The following UVRAG variants were observed in gnomAD, a reference collection of about 807,000 sequenced individuals.
UVRAG encodes UV radiation resistance-associated gene protein.
Under a neutral mutation model 78.0 loss-of-function variants are expected in UVRAG, and 19 were observed. The observed-to-expected ratio is 0.24, with a 90% CI of 0.17 to 0.36. UVRAG has a LOEUF of 0.36. Among genes scored for constraint, UVRAG ranks in the 10% least tolerant of loss-of-function variants. The pLI is 1.00. For synonymous variants in UVRAG, 323 were observed against 324.6 expected (o/e 1.00, Z 0.05); for missense variants, 740 against 853.8 (o/e 0.87, Z 1.66).
intron 5 of UVRAG, among the ~76,000 whole-genome samples, chr11:75,890,396 G>C (rs561080861): frequency 6.6e-6 from 1 of 152,320 alleles, no homozygotes; most frequent in African/African-American, 2.4e-5. Context: ...GAAAGTTTTA[G>C]TAGATAAAAT....
At chr11:75,883,123 C>G (rs1303295939) in intron 4 of UVRAG, among the ~76,000 whole-genome samples, 1 of 152,122 alleles carries the variant, frequency 6.6e-6, no homozygotes, top group Non-Finnish European at 1.5e-5. Flanking sequence ...TGTTTCTCTT[C>G]TACTTGAAAG....
intron 12 of UVRAG, among the ~76,000 whole-genome samples, chr11:76,029,913 C>T (rs897460395): frequency 6.6e-6 from 1 of 152,132 alleles, no homozygotes; most frequent in Non-Finnish European, 1.5e-5. Context: ...CAGCAACCAC[C>T]ACCCTGATTA....
intron 13 of UVRAG, among the ~76,000 whole-genome samples, chr11:76,095,310 A>G (rs967675172): frequency 6.6e-6 from 1 of 151,894 alleles, no homozygotes; most frequent in Non-Finnish European, 1.5e-5. Context: ...AACTTTCCCT[A>G]CTTCTGGCTT....
chr11:75,981,009 C>G (rs1949380492), intron 7 of UVRAG, among the ~76,000 whole-genome samples: 1 of 152,038 alleles, frequency 6.6e-6, no homozygotes. Context: ...TTCAAAGAAC[C>G]AGTTGTTGGT....
At chr11:76,084,290 A>G (rs939711672) in intron 13 of UVRAG, among the ~76,000 whole-genome samples, 1 of 152,236 alleles carries the variant, frequency 6.6e-6, no homozygotes, top group African/African-American at 2.4e-5. Flanking sequence ...TGCACTTTAC[A>G]TCTTCCATCA....
intron 12 of UVRAG, among the ~76,000 whole-genome samples, chr11:76,032,375 G>T (rs1325676503): frequency 2.6e-5 from 4 of 152,154 alleles, no homozygotes; most frequent in Non-Finnish European, 4.4e-5. Flanking sequence ...CAGATTAAAT[G>T]ATCAATTAGT....
chr11:75,950,405 A>G (rs996675165), intron 6 of UVRAG, among the ~76,000 whole-genome samples: 5 of 152,110 alleles, frequency 3.3e-5, no homozygotes, highest in African/African-American at 9.7e-5. Flanking sequence ...ATGGGTGCGC[A>G]CTACCATGCT....
intron 4 of UVRAG, 87 bp from the exon 5 acceptor site, chr11:75,888,742 A>G: frequency 8.9e-7 from 1 of 1,126,966 alleles, no homozygotes; most frequent in South Asian, 1.5e-5. Flanking sequence ...GTATTGAAGT[A>G]GATCCTGTTG....
At chr11:75,818,792 A>G (rs1263258116) in intron 1 of UVRAG, among the ~76,000 whole-genome samples, 1 of 152,110 alleles carries the variant, frequency 6.6e-6, no homozygotes, top group Admixed American at 6.6e-5. Flanking sequence ...CAATATTTCT[A>G]AACAAATAAA....
intron 12 of UVRAG, among the ~76,000 whole-genome samples, chr11:76,064,799 T>C (rs1951157107): frequency 1.3e-5 from 2 of 152,228 alleles, no homozygotes; most frequent in African/African-American, 2.4e-5. Flanking sequence ...GACTAGTAAT[T>C]GTCACCTGCC....
At chr11:76,007,287 C>T (rs796107056) in intron 9 of UVRAG, among the ~76,000 whole-genome samples, 6 of 152,214 alleles carry the variant, frequency 3.9e-5, no homozygotes, top group African/African-American at 1.2e-4. Flanking sequence ...CCACTCCCAG[C>T]CCCCTTTACA....
chr11:75,878,140 C>T (rs1946848572), intron 3 of UVRAG, among the ~76,000 whole-genome samples: 1 of 150,562 alleles, frequency 6.6e-6, no homozygotes, highest in East Asian at 2.0e-4. Flanking sequence ...CCTCCCTTCT[C>T]AGATGGGGCG....
chr11:76,131,567 C>CT (rs1335027097), intron 14 of UVRAG, among the ~76,000 whole-genome samples: 1 of 152,200 alleles, frequency 6.6e-6, no homozygotes, highest in Non-Finnish European at 1.5e-5. Context: ...TTTTTATACT[C>CT]TGTTTTTATT....
At chr11:76,045,421 T>G (rs1475444963) in intron 12 of UVRAG, among the ~76,000 whole-genome samples, 1 of 152,092 alleles carries the variant, frequency 6.6e-6, no homozygotes, top group Non-Finnish European at 1.5e-5. Flanking sequence ...ACCAAAGAAT[T>G]ACCAGACATT....
chr11:75,873,209 A>G (rs1215670125), intron 3 of UVRAG, among the ~76,000 whole-genome samples: 1 of 152,208 alleles, frequency 6.6e-6, no homozygotes, highest in African/African-American at 2.4e-5. Context: ...AGCATGATTC[A>G]TATTAGGTGA....
intron 13 of UVRAG, among the ~76,000 whole-genome samples, chr11:76,108,716 G>C (rs542901372): frequency 1.3e-5 from 2 of 152,174 alleles, no homozygotes; most frequent in South Asian, 2.1e-4. Flanking sequence ...TGTACTTGTT[G>C]CTTGGGTTTT....
At chr11:75,961,349 T>C (rs1948906868) in intron 6 of UVRAG, 95 bp from the exon 7 acceptor site, 1 of 886,690 alleles carries the variant, frequency 1.1e-6, no homozygotes, top group Non-Finnish European at 1.7e-6. Flanking sequence ...TCATTATTAA[T>C]TCTATGTATC....
At chr11:76,097,893 T>A (rs1170018848) in intron 13 of UVRAG, among the ~76,000 whole-genome samples, 1 of 152,176 alleles carries the variant, frequency 6.6e-6, no homozygotes, top group Non-Finnish European at 1.5e-5. Context: ...TATAGTTTTA[T>A]ATCCTCTACC....
intron 3 of UVRAG, among the ~76,000 whole-genome samples, chr11:75,864,442 C>T (rs1590948013): frequency 6.6e-6 from 1 of 152,186 alleles, no homozygotes; most frequent in Non-Finnish European, 1.5e-5. Context: ...GGGCATTGGG[C>T]AGTACAGGAG....
Sources: allele counts gnomAD v4.1 joint callset (sites outside exome capture counted in the v4.1 genomes callset), GRCh38; gene constraint gnomAD v4.1.1; transcripts MANE v1.5; gene names NCBI Gene and HGNC (gene_info 2026-07-23, HGNC 2026-07-21).